TMEM132C: variants seen among roughly 807,000 people sequenced by gnomAD.
The protein encoded by TMEM132C is protein phosphatase 1, regulatory subunit 152.
Under a neutral mutation model 61.4 loss-of-function variants are expected in TMEM132C, and 29 were observed. The observed-to-expected ratio is 0.47, with a 90% CI of 0.35 to 0.64. TMEM132C has a LOEUF of 0.64. TMEM132C is among the 30% of genes least tolerant of loss of function. The pLI, the probability that TMEM132C is intolerant of heterozygous loss-of-function variation, is 0.00. For synonymous variants in TMEM132C, 656 were observed against 633.1 expected (o/e 1.04, Z -0.54); for missense variants, 1,408 against 1,476.9 (o/e 0.95, Z 0.76).
In TMEM132C at chr12:128,492,733, C is replaced by T. The variant is rs1039524888; in HGVS notation, c.975-51224C>T. Among the ~76,000 whole-genome samples, 91 of 152,010 alleles carry T rather than the reference C, an allele frequency of 6.0e-4. 1 individual carries two copies. The highest frequency in any genetic ancestry group is 1.9e-3 in the African/African-American group (80 of 41,478). ...TTCTTGTAAATTTGTTTGAGTTCTT[C>T]GTAGATTCTGGATATTAGCCCTTTG... On this transcript the variant is annotated intron_variant, in intron 2 of 8. Transcript: ENST00000435159.
chr12:128,620,249 A>AAAG (rs1953951056), intron 4 of TMEM132C, among the ~76,000 whole-genome samples: 1 of 151,734 alleles, frequency 6.6e-6, no homozygotes, highest in Non-Finnish European at 1.5e-5. Context: ...AAAAAAAAAA[A>AAAG]AAAAAGGAAT....
In TMEM132C at chr12:128,696,196, C is replaced by T. The variant is rs140715592; in HGVS notation, c.1929+93C>T. On this transcript the variant is annotated intron_variant, in intron 7 of 8. Coordinates refer to ENST00000435159, the MANE Select transcript of TMEM132C (RefSeq NM_001136103.3). ...GGTGGGCAGATCACTGTGGCCGATT[C>T]CCCAACCCATGTGTATCATGGGAAC... 2.5e-5 allele frequency: 36 copies of T among 1,449,788 alleles called. No individual in the cohort carries two copies. The African/African-American group carries it at 4.7e-4, about 19-fold the overall frequency. The allele number at this position is 1,449,788 out of a possible 1,614,324, so 89.8% of individuals were successfully genotyped here.
intron 3 of TMEM132C, among the ~76,000 whole-genome samples, chr12:128,545,750 A>G (rs1014655119): frequency 2.0e-5 from 3 of 152,166 alleles, no homozygotes; most frequent in African/African-American, 7.2e-5. Context: ...GGCCACTTGT[A>G]TGTCCAAGAT....
intron 1 of TMEM132C, among the ~76,000 whole-genome samples, chr12:128,372,305 G>A (rs888482876): frequency 2.0e-5 from 3 of 152,280 alleles, no homozygotes; most frequent in African/African-American, 2.4e-5. Flanking sequence ...GTGTGTGTGC[G>A]CATCTGTGAG....
intron 5 of TMEM132C, among the ~76,000 whole-genome samples, chr12:128,688,351 C>T (rs564276058): frequency 2.4e-4 from 37 of 152,072 alleles, no homozygotes; most frequent in Non-Finnish European, 4.3e-4. Context: ...GCAGCCATGG[C>T]GAGCCTCGGT....
At chr12:128,373,844 A>G (rs1243638890) in intron 1 of TMEM132C, among the ~76,000 whole-genome samples, 3 of 152,206 alleles carry the variant, frequency 2.0e-5, no homozygotes, top group African/African-American at 7.2e-5. Context: ...CACGAGCATC[A>G]GGGAGATGCA....
At chr12:128,629,961 C>T (rs1175011215) in intron 4 of TMEM132C, among the ~76,000 whole-genome samples, 4 of 136,562 alleles carry the variant, frequency 2.9e-5, no homozygotes, top group Admixed American at 7.1e-5. Context: ...AGCAAAACTC[C>T]GTCTAAATTA....
At chr12:128,309,236 A>G (rs1297081571) in intron 1 of TMEM132C, among the ~76,000 whole-genome samples, 1 of 152,180 alleles carries the variant, frequency 6.6e-6, no homozygotes, top group East Asian at 1.9e-4. Flanking sequence ...AAGCAGAAAG[A>G]TTTAAATCTT....
At chr12:128,319,139 T>C (rs1467424567) in intron 1 of TMEM132C, among the ~76,000 whole-genome samples, 1 of 152,192 alleles carries the variant, frequency 6.6e-6, no homozygotes, top group East Asian at 1.9e-4. Context: ...TCTGCTCGTC[T>C]TTGTAGAGCA....
At chr12:128,509,731 T>C (rs1291803678) in intron 2 of TMEM132C, among the ~76,000 whole-genome samples, 1 of 151,856 alleles carries the variant, frequency 6.6e-6, no homozygotes, top group African/African-American at 2.4e-5. Flanking sequence ...TTCCAGAAGG[T>C]CTGAGACCTC....
intron 1 of TMEM132C, among the ~76,000 whole-genome samples, chr12:128,350,960 C>T (rs1313252144): frequency 6.6e-6 from 1 of 152,102 alleles, no homozygotes; most frequent in Admixed American, 6.5e-5. Context: ...ACCCCAGCAG[C>T]TGTACTGAAT....
intron 1 of TMEM132C, among the ~76,000 whole-genome samples, chr12:128,290,862 AG>A (rs1871226102): frequency 6.7e-6 from 1 of 148,454 alleles, no homozygotes; most frequent in Admixed American, 6.6e-5. Flanking sequence ...AAAAAAAAAA[AG>A]AAATAAGTGA....
chr12:128,624,604 G>A (rs1469744530), intron 4 of TMEM132C, among the ~76,000 whole-genome samples: 4 of 149,040 alleles, frequency 2.7e-5, no homozygotes, highest in Admixed American at 6.7e-5. Flanking sequence ...GGCCTGTTTC[G>A]AGAACTAACT....
At chr12:128,274,915 G>A (rs1049228714) in intron 1 of TMEM132C, among the ~76,000 whole-genome samples, 2 of 152,136 alleles carry the variant, frequency 1.3e-5, no homozygotes, top group African/African-American at 2.4e-5. Flanking sequence ...CACACAGATT[G>A]TGTAGGCCCA....
intron 1 of TMEM132C, among the ~76,000 whole-genome samples, chr12:128,389,943 A>G (rs1156344110): frequency 6.6e-6 from 1 of 152,186 alleles, no homozygotes; most frequent in African/African-American, 2.4e-5. Context: ...CAGTGGCGCA[A>G]TCATAGCTCA....
At chr12:128,287,432 T>G (rs949180610) in intron 1 of TMEM132C, among the ~76,000 whole-genome samples, 37 of 152,224 alleles carry the variant, frequency 2.4e-4, no homozygotes, top group Admixed American at 2.4e-3. Flanking sequence ...TTTATCAGTA[T>G]TTTTCTTAAT....
Position 128,277,637 on chromosome 12 carries a change from G to C in TMEM132C, c.85+10150G>C, listed in dbSNP as rs1011790404. ...GTGTGATGATGCCCAAACACAGGTG[G>C]AGCTGTTTCAGAAGATGGGGAATGA... On this transcript the variant is annotated intron_variant, in intron 1 of 8. Coordinates refer to ENST00000435159, the MANE Select transcript of TMEM132C (RefSeq NM_001136103.3). Among the ~76,000 whole-genome samples the C allele has an allele frequency of 7.2e-5, 11 of 152,270 alleles. 1 individual carries two copies. The highest frequency in any genetic ancestry group is 2.4e-4 in the African/African-American group (10 of 41,562).
At chr12:128,645,307 G>A (rs754299123) in intron 4 of TMEM132C, among the ~76,000 whole-genome samples, 55 of 152,208 alleles carry the variant, frequency 3.6e-4, no homozygotes, top group Admixed American at 1.3e-3. Context: ...GGCCAACTGG[G>A]TCTTTCTGAT....
intron 2 of TMEM132C, among the ~76,000 whole-genome samples, chr12:128,478,641 C>T (rs555911797): frequency 5.9e-5 from 9 of 152,346 alleles, no homozygotes; most frequent in East Asian, 5.8e-4. Context: ...CATCTTATAG[C>T]TCACTGAAAG....
Sources: gnomAD v4.1 joint callset for allele counts (sites outside exome capture counted in the v4.1 genomes callset) on GRCh38, gnomAD v4.1.1 for gene constraint, MANE v1.5 for transcripts, NCBI Gene and HGNC (gene_info 2026-07-23, HGNC 2026-07-21) for gene names.